Variants in BRF1 observed in about 807,000 individuals in gnomAD.
BRF1 encodes the protein BRF1 general transcription factor IIIB subunit, also known as transcription factor IIIB 90 kDa subunit.
In BRF1, 59 loss-of-function variants were observed where a neutral mutation model predicts 81.7. The observed-to-expected ratio is 0.72, with a 90% CI of 0.59 to 0.90. BRF1 has a LOEUF of 0.90. Among genes scored for constraint, BRF1 ranks in the 40% least tolerant of loss-of-function variants. The pLI, the probability that BRF1 is intolerant of heterozygous loss-of-function variation, is 0.00. For synonymous variants in BRF1, 491 were observed against 395.6 expected (o/e 1.24, Z -2.86); for missense variants, 1,050 against 936.3 (o/e 1.12, Z -1.58).
intron 5 of BRF1, chr14:105,248,563 ACGGGCTCGGG>A (rs1316785491): frequency 0.04 from 10,424 of 263,486 alleles, 93 homozygotes; most frequent in Non-Finnish European, 0.045. Context: ...CGCGGCGGGT[ACGGGCTCGGG>A]CGGGCGGGCG....
At chr14:105,248,724 C>G in intron 5 of BRF1, 1 of 982,312 alleles carries the variant, frequency 1.0e-6, no homozygotes, top group Non-Finnish European at 1.2e-6. Flanking sequence ...GCTGCTGCCC[C>G]TAGCCTGCCT....
At chr14:105,250,491 A>G (rs776283241) in intron 5 of BRF1, 3 of 1,613,904 alleles carry the variant, frequency 1.9e-6, no homozygotes, top group Non-Finnish European at 1.7e-6. Context: ...CAGGTTGAAC[A>G]AGACACCTTC....
intron 5 of BRF1, among the ~76,000 whole-genome samples, chr14:105,251,793 C>T (rs183959759): frequency 1.6e-4 from 24 of 152,080 alleles, no homozygotes; most frequent in Non-Finnish European, 2.6e-4. Flanking sequence ...TAGGTCAGAA[C>T]CATCGGGCAG....
intron 15 of BRF1, among the ~76,000 whole-genome samples, chr14:105,215,188 C>T (rs1188784518): frequency 1.3e-5 from 2 of 152,162 alleles, no homozygotes; most frequent in African/African-American, 4.8e-5. Context: ...TGCACACACA[C>T]TGCACACAGT....
chr14:105,312,629 G>A (rs150179786), intron 1 of BRF1, among the ~76,000 whole-genome samples: 2 of 152,292 alleles, frequency 1.3e-5, no homozygotes, highest in East Asian at 3.9e-4. Context: ...ATCTCCTCCT[G>A]TGACCCACAG....
intron 1 of BRF1, chr14:105,314,611 A>G (rs1456557659): frequency 1.4e-5 from 2 of 141,312 alleles, no homozygotes; most frequent in Non-Finnish European, 3.1e-5. Context: ...CGGCGATTGG[A>G]CCCGAGGCGG....
In BRF1 at chr14:105,210,529, T is replaced by C. The variant is rs1243843342; in HGVS notation, c.*22A>G. ...ACCCGCGAGGCCCCCTGCCAGGACA[T>C]CACCTGCCTGGAGGCCACACTTCAG... On this transcript the variant is annotated 3_prime_UTR_variant, in exon 18 of 18. Transcript: ENST00000547530. The surrounding 1 kb of genome is among the most constrained non-coding windows in gnomAD (Gnocchi z 4.7). 6.2e-7 allele frequency: 1 copy of C among 1,609,828 alleles called. No individual in the cohort carries two copies. The highest frequency in any genetic ancestry group is 8.5e-7 in the Non-Finnish European group (1 of 1,179,712).
At chr14:105,283,306 G>A (rs1019895758) in intron 2 of BRF1, among the ~76,000 whole-genome samples, 3 of 152,192 alleles carry the variant, frequency 2.0e-5, no homozygotes, top group African/African-American at 4.8e-5. Context: ...CGGGGCAGGC[G>A]GGTGGGAGAG....
At chr14:105,282,474 G>A (rs971453180) in intron 2 of BRF1, among the ~76,000 whole-genome samples, 3 of 152,228 alleles carry the variant, frequency 2.0e-5, no homozygotes, top group Non-Finnish European at 2.9e-5. Flanking sequence ...GGCAGGCTGG[G>A]TGGCGGGCGG....
chr14:105,252,728 C>T (rs2055680562), intron 4 of BRF1, 149 bp from the exon 5 acceptor site: 1 of 808,498 alleles, frequency 1.2e-6, no homozygotes, highest in African/African-American at 1.7e-5. Context: ...TGGCTGGCCT[C>T]CCTTGGCTGC....
chr14:105,265,045 C>CTTTTTTTTTTTTTTTTTTTTTTTTT (rs587772604), intron 3 of BRF1, among the ~76,000 whole-genome samples: 1 of 135,174 alleles, frequency 7.4e-6, no homozygotes. Flanking sequence ...TCTACTTATC[C>CTTTTTTTTTTTTTTTTTTTTTTTTT]TTTTTTTTGT....
chr14:105,308,133 T>C (rs1391034694), intron 1 of BRF1, among the ~76,000 whole-genome samples: 1 of 151,610 alleles, frequency 6.6e-6, no homozygotes, highest in Non-Finnish European at 1.5e-5. Flanking sequence ...CAGTGAGTTA[T>C]GATCACACCA....
chr14:105,307,024 C>T (rs1001873637), intron 1 of BRF1, among the ~76,000 whole-genome samples: 6 of 151,936 alleles, frequency 3.9e-5, no homozygotes, highest in African/African-American at 1.5e-4. Flanking sequence ...TCTGAGTATG[C>T]CTTATTTACT....
chr14:105,282,924 C>T (rs1255679505), intron 2 of BRF1, among the ~76,000 whole-genome samples: 1 of 152,042 alleles, frequency 6.6e-6, no homozygotes, highest in Non-Finnish European at 1.5e-5. Flanking sequence ...CAGAGCGAGA[C>T]TCCATCTCAA....
chr14:105,314,123 C>T (rs1474571135), intron 1 of BRF1, among the ~76,000 whole-genome samples: 2 of 152,348 alleles, frequency 1.3e-5, no homozygotes, highest in East Asian at 3.9e-4. Flanking sequence ...TCCCCGCGAC[C>T]GCCGCCAGGC....
intron 3 of BRF1, among the ~76,000 whole-genome samples, chr14:105,267,388 C>T (rs587641298): frequency 2.4e-4 from 37 of 151,964 alleles, no homozygotes; most frequent in Non-Finnish European, 4.4e-4. Context: ...ACTGCAGCCT[C>T]GACCTCCTGG....
intron 1 of BRF1, among the ~76,000 whole-genome samples, chr14:105,311,796 C>T (rs77242222): frequency 0.017 from 2,544 of 152,344 alleles, 79 homozygotes; most frequent in African/African-American, 0.059. Context: ...CCAGAAAATG[C>T]CTCCAGGAGG....
chr14:105,281,050 G>A (rs1243763820), intron 2 of BRF1, among the ~76,000 whole-genome samples: 4 of 142,082 alleles, frequency 2.8e-5, no homozygotes. Context: ...TACAGCCTGC[G>A]TGACCCTGAG....
chr14:105,295,409 G>A (rs191878739), intron 1 of BRF1, among the ~76,000 whole-genome samples: 40 of 151,206 alleles, frequency 2.6e-4, no homozygotes, highest in African/African-American at 8.5e-4. Flanking sequence ...AGTTCCAGAC[G>A]AGCCTGGTCA....
Sources: gnomAD v4.1 joint callset for allele counts (sites outside exome capture counted in the v4.1 genomes callset) on GRCh38, gnomAD v4.1.1 for gene constraint, Gnocchi (gnomAD v3.1) non-coding constraint, MANE v1.5 for transcripts, NCBI Gene and HGNC (gene_info 2026-07-23, HGNC 2026-07-21) for gene names.